PPP2R2C: variants seen among roughly 807,000 people sequenced by gnomAD.
The protein encoded by PPP2R2C is protein phosphatase 2, regulatory subunit B, gamma.
A neutral mutation model predicts 45.3 loss-of-function variants in PPP2R2C; 10 were observed. That is an observed-to-expected ratio of 0.22 (90% CI 0.14 to 0.37). The LOEUF (loss-of-function observed/expected upper bound fraction) is 0.37, where lower values mean the gene tolerates loss of function less well. Ranked by LOEUF, PPP2R2C falls within the 10% of genes least tolerant of loss-of-function variation. The pLI is 1.00. For synonymous variants in PPP2R2C, 257 were observed against 245.4 expected, an observed-to-expected ratio of 1.05 and a Z score of -0.44; for missense variants, 308 against 619.7, an observed-to-expected ratio of 0.50 and a Z score of 5.34.
At chr4:6,423,245 C>A (rs1719088022) in intron 1 of PPP2R2C, among the ~76,000 whole-genome samples, 1 of 152,194 alleles carries the variant, frequency 6.6e-6, no homozygotes, top group Non-Finnish European at 1.5e-5. Flanking sequence ...ACTCTGTCAC[C>A]CAGGCTGGAG....
chr4:6,363,440 G>A (rs1224861890), intron 5 of PPP2R2C, among the ~76,000 whole-genome samples: 8 of 152,004 alleles, frequency 5.3e-5, no homozygotes, highest in African/African-American at 1.2e-4. Context: ...TTAGCCGGGC[G>A]TGGTGGCGGG....
chr4:6,401,427 T>A (rs61217728), intron 1 of PPP2R2C, among the ~76,000 whole-genome samples: 2,354 of 152,214 alleles, frequency 0.015, 42 homozygotes, highest in African/African-American at 0.043. Flanking sequence ...GTTATGCACA[T>A]GGGCTACGAT....
At chr4:6,356,638 C>A (rs1441602595) in intron 5 of PPP2R2C, among the ~76,000 whole-genome samples, 2 of 152,260 alleles carry the variant, frequency 1.3e-5, no homozygotes, top group Admixed American at 1.3e-4. Flanking sequence ...GTAAGGTAGT[C>A]CACGTGAAGC....
Position 6,374,168 on chromosome 4 carries a change from C to A in PPP2R2C, c.448-1468G>T, listed in dbSNP as rs111347148. On this transcript the variant is annotated intron_variant, in intron 4 of 8. Transcript: ENST00000382599. Reference sequence around the variant, plus strand: ...TGGACTCTCAGGAGAGAGAGGGAGCCCAGCTGCTCTGGAGAAGGGCAGAGC... The same window carrying A: ...TGGACTCTCAGGAGAGAGAGGGAGCACAGCTGCTCTGGAGAAGGGCAGAGC... Among the ~76,000 whole-genome samples the A allele has an allele frequency of 1.3e-4, 20 of 152,264 alleles. 1 individual carries two copies. The highest frequency in any genetic ancestry group is 4.8e-4 in the African/African-American group (20 of 41,554).
intron 5 of PPP2R2C, among the ~76,000 whole-genome samples, chr4:6,359,985 T>C (rs1008876947): frequency 3.9e-5 from 6 of 152,240 alleles, no homozygotes; most frequent in African/African-American, 1.2e-4. Flanking sequence ...CAAATACTGG[T>C]TCACCTCATG....
rs1715562175 is a variant in PPP2R2C, at chr4:6,378,850, A to C, written c.169-278T>G. Among the ~76,000 whole-genome samples, 2 of 151,484 alleles carry C rather than the reference A, an allele frequency of 1.3e-5. No individual in the cohort carries two copies. The highest frequency in any genetic ancestry group is 1.3e-4 in the Admixed American group (2 of 15,238). On this transcript the variant is annotated intron_variant, in intron 2 of 8. Transcript: ENST00000382599. This position sits in a 1 kb window ranked among gnomAD's most constrained non-coding sequence, Gnocchi z 5.2. ...CCCCAGCGCCTGCTACAAGCTGGAC[A>C]CCCCACTAAGTCCTCCCCGCACCAT...
intron 1 of PPP2R2C, chr4:6,381,949 TG>T (rs1715831153): frequency 6.7e-7 from 1 of 1,494,176 alleles, no homozygotes. Flanking sequence ...CTGCACATTC[TG>T]GGTGGCCAGC....
chr4:6,346,061 C>T (rs536131867), intron 6 of PPP2R2C, among the ~76,000 whole-genome samples: 16 of 152,280 alleles, frequency 1.1e-4, no homozygotes, highest in Admixed American at 9.8e-4. Flanking sequence ...TCACGCCCCA[C>T]AAGGCAAAGC....
chr4:6,442,929 GC>G (rs1159355082), intron 1 of PPP2R2C, among the ~76,000 whole-genome samples: 3 of 152,214 alleles, frequency 2.0e-5, no homozygotes, highest in Non-Finnish European at 4.4e-5. Context: ...CCCAAGGGGG[GC>G]ACCCATTCCC....
At chr4:6,527,439 G>A (rs1441775375) in intron 2 of PPP2R2C, among the ~76,000 whole-genome samples, 1 of 152,132 alleles carries the variant, frequency 6.6e-6, no homozygotes, top group Non-Finnish European at 1.5e-5. Context: ...CCCAGACGGT[G>A]AGTCACCTCC....
chr4:6,370,262 G>A (rs561450166), intron 5 of PPP2R2C, among the ~76,000 whole-genome samples: 5 of 152,212 alleles, frequency 3.3e-5, no homozygotes, highest in East Asian at 3.9e-4. Context: ...CCCAGCCTCC[G>A]TTTCCTCATC....
chr4:6,381,919 G>A (rs957330891), intron 1 of PPP2R2C: 27 of 1,573,306 alleles, frequency 1.7e-5, no homozygotes, highest in Admixed American at 3.6e-5. Context: ...CAGGTTCTAC[G>A]AGTCACAGAG....
chr4:6,338,117 C>T (rs896056925), intron 6 of PPP2R2C, among the ~76,000 whole-genome samples: 2 of 152,080 alleles, frequency 1.3e-5, no homozygotes, highest in Non-Finnish European at 2.9e-5. Context: ...TTGACTGAAT[C>T]GCTAAGGACA....
rs1732285478 is a variant in PPP2R2C at position 6,330,095 on chromosome 4, AG to A, written c.961-743del. Among the ~76,000 whole-genome samples, 1 of 152,140 alleles carries A rather than the reference AG, an allele frequency of 6.6e-6. No homozygotes were observed. The highest frequency in any genetic ancestry group is 2.1e-4 in the South Asian group (1 of 4,828). ...AAGAGGCTGACCAGGACCCTTCCCC[AG>A]GATTCCCGTACCCCACAGGAGAGAG... is the stretch of plus-strand genomic sequence containing the variant. On this transcript the variant is annotated intron_variant, in intron 7 of 8. Coordinates refer to ENST00000382599, the MANE Select transcript of PPP2R2C (RefSeq NM_020416.4). This position sits in a 1 kb window ranked among gnomAD's most constrained non-coding sequence, Gnocchi z 7.0.
chr4:6,491,706 C>T (rs1722704243), intron 2 of PPP2R2C, among the ~76,000 whole-genome samples: 1 of 152,202 alleles, frequency 6.6e-6, no homozygotes, highest in Admixed American at 6.5e-5. Context: ...TCTGGTGATG[C>T]TGAGTGAGTT....
At chr4:6,454,164 C>A (rs1179803149) in intron 1 of PPP2R2C, among the ~76,000 whole-genome samples, 2 of 152,152 alleles carry the variant, frequency 1.3e-5, no homozygotes, top group African/African-American at 4.8e-5. Flanking sequence ...TCAGACAGAG[C>A]CCAGTGGGGG....
At chr4:6,325,165 G>A (rs1577064625) in intron 8 of PPP2R2C, among the ~76,000 whole-genome samples, 1 of 152,274 alleles carries the variant, frequency 6.6e-6, no homozygotes, top group South Asian at 2.1e-4. Context: ...CCTGACATGC[G>A]CACTCTCTTA....
At chr4:6,466,563 C>A (rs1249104907) in intron 1 of PPP2R2C, among the ~76,000 whole-genome samples, 1 of 152,084 alleles carries the variant, frequency 6.6e-6, no homozygotes, top group African/African-American at 2.4e-5. Flanking sequence ...AGGAAATACC[C>A]CAGTTGCTGA....
intron 8 of PPP2R2C, among the ~76,000 whole-genome samples, chr4:6,327,523 G>A (rs1003007540): frequency 2.0e-5 from 3 of 152,232 alleles, no homozygotes; most frequent in East Asian, 1.9e-4. Flanking sequence ...CCCGCAAAAC[G>A]CACATAAAAG....
Sources: allele counts gnomAD v4.1 joint callset (sites outside exome capture counted in the v4.1 genomes callset), GRCh38; gene constraint gnomAD v4.1.1; non-coding constraint Gnocchi (gnomAD v3.1); transcripts MANE v1.5; gene names NCBI Gene and HGNC (gene_info 2026-07-23, HGNC 2026-07-21).